Variants in PPP2R2C observed in about 807,000 individuals in gnomAD.
PPP2R2C encodes protein phosphatase 2, regulatory subunit B, gamma.
A neutral mutation model predicts 45.3 loss-of-function variants in PPP2R2C; 10 were observed. The ratio of observed to expected loss-of-function variants is 0.22; its 90% CI spans 0.14 to 0.37. The LOEUF is 0.37. Among genes scored for constraint, PPP2R2C ranks in the 10% least tolerant of loss-of-function variants. PPP2R2C has a pLI of 1.00. For missense variants in PPP2R2C, 308 were observed against 619.7 expected, an observed-to-expected ratio of 0.50 and a Z score of 5.34; for synonymous variants, 257 against 245.4, an observed-to-expected ratio of 1.05 and a Z score of -0.44.
At chr4:6,350,753 C>A in intron 5 of PPP2R2C, 1 of 985,344 alleles carries the variant, frequency 1.0e-6, no homozygotes, top group Non-Finnish European at 1.2e-6. Flanking sequence ...ACAAGTGAGG[C>A]ATGTCACCTC....
At chr4:6,327,411 G>T (rs1314716795) in intron 8 of PPP2R2C, among the ~76,000 whole-genome samples, 2 of 152,208 alleles carry the variant, frequency 1.3e-5, no homozygotes, top group Non-Finnish European at 2.9e-5. Flanking sequence ...GATGCTTGGC[G>T]GCTTCTCCAG....
chr4:6,521,377 A>T (rs1724020963), intron 2 of PPP2R2C, among the ~76,000 whole-genome samples: 1 of 152,168 alleles, frequency 6.6e-6, no homozygotes, highest in African/African-American at 2.4e-5. Flanking sequence ...CTTCTCATTC[A>T]CCAGGGCTCC....
chr4:6,493,733 C>T (rs935287389), intron 2 of PPP2R2C, among the ~76,000 whole-genome samples: 1 of 152,078 alleles, frequency 6.6e-6, no homozygotes, highest in Non-Finnish European at 1.5e-5. Context: ...CTGGCTTCGC[C>T]CTCATTGCTC....
chr4:6,334,056 G>T (rs546082155), intron 6 of PPP2R2C, among the ~76,000 whole-genome samples: 1 of 152,150 alleles, frequency 6.6e-6, no homozygotes, highest in African/African-American at 2.4e-5. Context: ...GCCCTCTACT[G>T]CCCCCTACTG....
At chr4:6,493,993 G>C (rs561038405) in intron 2 of PPP2R2C, among the ~76,000 whole-genome samples, 1 of 152,092 alleles carries the variant, frequency 6.6e-6, no homozygotes, top group Non-Finnish European at 1.5e-5. Context: ...CCCACGCCTC[G>C]GCTACACCCA....
chr4:6,381,243 A>G (rs1715769976), intron 1 of PPP2R2C, 149 bp from the exon 2 acceptor site: 1 of 1,535,838 alleles, frequency 6.5e-7, no homozygotes, highest in African/African-American at 1.4e-5. Context: ...AGGGGTCAGG[A>G]GCATCGGCGA....
At chr4:6,365,305 C>T (rs149196260) in intron 5 of PPP2R2C, among the ~76,000 whole-genome samples, 433 of 152,300 alleles carry the variant, frequency 2.8e-3, no homozygotes, top group African/African-American at 9.9e-3. Context: ...TCTGACATGC[C>T]GTGAACAGAG....
At chr4:6,370,056 C>T (rs1002977109) in intron 5 of PPP2R2C, among the ~76,000 whole-genome samples, 1 of 152,342 alleles carries the variant, frequency 6.6e-6, no homozygotes. Context: ...ACAGGAAAAC[C>T]GAGCAGCAAT....
intron 1 of PPP2R2C, among the ~76,000 whole-genome samples, chr4:6,407,688 C>A (rs752022875): frequency 2.6e-5 from 4 of 152,210 alleles, no homozygotes; most frequent in Non-Finnish European, 5.9e-5. Flanking sequence ...GTGTAAGCCA[C>A]TGAGCCCGGC....
In PPP2R2C at chr4:6,378,844, C is replaced by G. The variant is rs1715561618; in HGVS notation, c.169-272G>C. On this transcript the variant is annotated intron_variant, in intron 2 of 8. Coordinates refer to ENST00000382599, the MANE Select transcript of PPP2R2C (RefSeq NM_020416.4). This position sits in a 1 kb window ranked among gnomAD's most constrained non-coding sequence, Gnocchi z 5.2. ...AATGTTCCCCAGCGCCTGCTACAAG[C>G]TGGACACCCCACTAAGTCCTCCCCG... Among the ~76,000 whole-genome samples, 1 of 152,006 alleles carries G rather than the reference C, an allele frequency of 6.6e-6. No individual in the cohort carries two copies. The highest frequency in any genetic ancestry group is 1.5e-5 in the Non-Finnish European group (1 of 68,014).
Position 6,538,304 on chromosome 4 carries a change from A to G in PPP2R2C, c.-58-2927T>C, listed in dbSNP as rs183435692. Among the ~76,000 whole-genome samples, 481 of 151,948 alleles carry G rather than the reference A, an allele frequency of 3.2e-3. 2 individuals carry two copies. Among genetic ancestry groups the G allele is most frequent in the African/African-American group, 0.011 (464 of 41,448 alleles). Reference sequence around the variant, plus strand: ...TCCCCTCTTCCTGGCTCTTTACCCCACCCCACGGACGCTTCCTCGGGGTAC... The same window carrying G: ...TCCCCTCTTCCTGGCTCTTTACCCCGCCCCACGGACGCTTCCTCGGGGTAC... On this transcript the variant is annotated intron_variant, in intron 1 of 9. Coordinates refer to the PPP2R2C transcript ENST00000506140.
At chr4:6,340,747 C>T (rs1184196153) in intron 6 of PPP2R2C, among the ~76,000 whole-genome samples, 1 of 152,254 alleles carries the variant, frequency 6.6e-6, no homozygotes, top group African/African-American at 2.4e-5. Flanking sequence ...GAACACATGG[C>T]CAGGCTGGCC....
In PPP2R2C at chr4:6,345,571, G is replaced by A. The variant is rs1398406699; in HGVS notation, c.790+2275C>T. Among the ~76,000 whole-genome samples the A allele has an allele frequency of 4.6e-5, 7 of 152,254 alleles. No individual in the cohort carries two copies. Among genetic ancestry groups the A allele is most frequent in the Non-Finnish European group, 7.4e-5 (5 of 68,008 alleles). ...TCAGAGACGTGAGAGAGGCTTGGCCGCTGTGGGCTGGGAGGATGGGGGAGG... is the reference window on the plus strand; with the variant it reads ...TCAGAGACGTGAGAGAGGCTTGGCCACTGTGGGCTGGGAGGATGGGGGAGG... On this transcript the variant is annotated intron_variant, in intron 6 of 8. Coordinates refer to ENST00000382599, the MANE Select transcript of PPP2R2C (RefSeq NM_020416.4). This position sits in a 1 kb window ranked among gnomAD's most constrained non-coding sequence, Gnocchi z 5.3.
intron 1 of PPP2R2C, among the ~76,000 whole-genome samples, chr4:6,538,535 C>T (rs1042274069): frequency 5.0e-5 from 7 of 141,240 alleles, no homozygotes; most frequent in Admixed American, 4.4e-4. Flanking sequence ...GCTATTTTCA[C>T]TAGGCAAAGG....
Position 6,381,025 on chromosome 4 carries a change from C to G in PPP2R2C, c.140G>C (p.Arg47Pro). Residue 47 changes from arginine (R) to proline (P), a missense_variant, in exon 2 of 9, where the codon CGG becomes CCG. Arg to Pro is a moderately radical substitution (Grantham distance 103). Coordinates refer to ENST00000382599, the MANE Select transcript of PPP2R2C (RefSeq NM_020416.4). ...ELLATGDKGG[R>P]VVIFQREPES... ...TGGTTCCCGCTGGAAGATGACGACCCGGCCGCCCTTGTCACCTGTGGCCAG... is the reference window on the plus strand; with the variant it reads ...TGGTTCCCGCTGGAAGATGACGACCGGGCCGCCCTTGTCACCTGTGGCCAG... 6.4e-7 allele frequency: 1 copy of G among 1,556,622 alleles called. No homozygotes were observed. Among genetic ancestry groups the G allele is most frequent in the Non-Finnish European group, 8.7e-7 (1 of 1,146,772 alleles).
chr4:6,363,277 C>G (rs1381668943), intron 5 of PPP2R2C, among the ~76,000 whole-genome samples: 1 of 152,182 alleles, frequency 6.6e-6, no homozygotes, highest in Non-Finnish European at 1.5e-5. Context: ...TTGTAGATAT[C>G]TGTAGAAATA....
chr4:6,335,326 G>A (rs1732759996), intron 6 of PPP2R2C, among the ~76,000 whole-genome samples: 1 of 152,190 alleles, frequency 6.6e-6, no homozygotes, highest in Non-Finnish European at 1.5e-5. Flanking sequence ...TCCGTGGGAG[G>A]TGCTGTTTGA....
At chr4:6,353,483 C>A (rs1712787524) in intron 5 of PPP2R2C, among the ~76,000 whole-genome samples, 1 of 38,992 alleles carries the variant, frequency 2.6e-5, no homozygotes, top group Non-Finnish European at 5.0e-5. Context: ...ACAGCCCCCC[C>A]ACACCAACAA....
intron 1 of PPP2R2C, among the ~76,000 whole-genome samples, chr4:6,458,552 G>T (rs1418007490): frequency 2.0e-5 from 3 of 152,118 alleles, no homozygotes; most frequent in Non-Finnish European, 2.9e-5. Context: ...TCACATTGGG[G>T]GTCTGGATTT....
Sources: gnomAD v4.1 joint callset for allele counts (sites outside exome capture counted in the v4.1 genomes callset) on GRCh38, gnomAD v4.1.1 for gene constraint, Gnocchi (gnomAD v3.1) non-coding constraint, MANE v1.5 for transcripts, NCBI Gene and HGNC (gene_info 2026-07-23, HGNC 2026-07-21) for gene names.